ACVR2A: variants seen among roughly 807,000 people sequenced by gnomAD.
ACVR2A encodes the protein activin A receptor type 2A, also known as activin receptor type-2A.
Under a neutral mutation model 61.4 loss-of-function variants are expected in ACVR2A, and 7 were observed. The observed-to-expected ratio is 0.11, with a 90% CI of 0.06 to 0.21. ACVR2A has a LOEUF of 0.21. Ranked by LOEUF, ACVR2A falls within the 10% of genes least tolerant of loss-of-function variation. ACVR2A has a pLI of 1.00. For synonymous variants in ACVR2A, 193 were observed against 208.3 expected, an observed-to-expected ratio of 0.93 and a Z score of 0.63; for missense variants, 322 against 621.7, an observed-to-expected ratio of 0.52 and a Z score of 5.13.
intron 2 of ACVR2A, chr2:147,897,193 A>G (rs1265192526): frequency 2.0e-5 from 3 of 151,862 alleles, no homozygotes; most frequent in African/African-American, 7.3e-5. Flanking sequence ...TTTTTAGTAG[A>G]TACAGGGTTT....
intron 4 of ACVR2A, among the ~76,000 whole-genome samples, chr2:147,906,337 C>T (rs967500674): frequency 8.5e-5 from 13 of 152,086 alleles, no homozygotes; most frequent in Non-Finnish European, 1.6e-4. Context: ...AGGCACCATG[C>T]TGTGTGTATG....
rs1043905064 is a variant in ACVR2A, at chr2:147,928,840, T to A, written c.*1566T>A. 5.2e-5 allele frequency: 8 copies of A among 152,418 alleles called. No homozygotes were observed. The highest frequency in any genetic ancestry group is 1.7e-4 in the African/African-American group (7 of 41,410). 9.4% of individuals were successfully genotyped at this position (152,418 alleles called of 1,614,324 possible). On this transcript the variant is annotated 3_prime_UTR_variant, in exon 11 of 11. Transcript: ENST00000241416. ...AACATTAATTTTCTGAATTTCCAGATTACCAATCAATTAATCAACAAATAG... is the reference window on the plus strand; with the variant it reads ...AACATTAATTTTCTGAATTTCCAGAATACCAATCAATTAATCAACAAATAG...
intron 1 of ACVR2A, among the ~76,000 whole-genome samples, chr2:147,879,565 A>T (rs565836964): frequency 1.3e-5 from 2 of 152,348 alleles, no homozygotes; most frequent in East Asian, 3.9e-4. Context: ...AGAAAGTGGT[A>T]GAAAGAATGT....
chr2:147,918,097 T>C (rs1357290603), intron 6 of ACVR2A, among the ~76,000 whole-genome samples: 1 of 151,588 alleles, frequency 6.6e-6, no homozygotes, highest in Non-Finnish European at 1.5e-5. Flanking sequence ...TCCCATGATA[T>C]AACAACTCTA....
chr2:147,918,023 A>G (rs1400517797), intron 6 of ACVR2A, among the ~76,000 whole-genome samples: 1 of 151,980 alleles, frequency 6.6e-6, no homozygotes, highest in Non-Finnish European at 1.5e-5. Context: ...AAGGACAACA[A>G]TAATCTAGAG....
intron 1 of ACVR2A, among the ~76,000 whole-genome samples, chr2:147,854,353 C>A (rs964000051): frequency 5.3e-5 from 8 of 152,126 alleles, no homozygotes; most frequent in African/African-American, 1.9e-4. Context: ...TCTTGGACAA[C>A]TTCTCTTAAA....
At chr2:147,908,182 A>G (rs1173898045) in intron 4 of ACVR2A, among the ~76,000 whole-genome samples, 1 of 152,074 alleles carries the variant, frequency 6.6e-6, no homozygotes, top group Non-Finnish European at 1.5e-5. Flanking sequence ...CAATTTATTC[A>G]TGTGTAACAT....
At chr2:147,908,752 G>T (rs1687048182) in intron 4 of ACVR2A, among the ~76,000 whole-genome samples, 1 of 151,954 alleles carries the variant, frequency 6.6e-6, no homozygotes, top group Non-Finnish European at 1.5e-5. Flanking sequence ...ATATAGTTTG[G>T]ATAGGAGGAC....
intron 10 of ACVR2A, 125 bp downstream of exon 10, chr2:147,926,286 ATTCTAGAG>A (rs1357727813): frequency 6.4e-6 from 8 of 1,242,518 alleles, no homozygotes; most frequent in Admixed American, 4.7e-5. Flanking sequence ...CACACAGGAT[ATTCTAGAG>A]TTCTAGAGGC....
At chr2:147,890,208 T>C (rs1345697591) in intron 1 of ACVR2A, among the ~76,000 whole-genome samples, 2 of 152,186 alleles carry the variant, frequency 1.3e-5, no homozygotes, top group African/African-American at 4.8e-5. Flanking sequence ...TACTATATTC[T>C]GTATACATTA....
rs775110919 is a variant in ACVR2A, at chr2:147,917,294, A to C, written c.684A>C (p.Ser228=). ...VKIFPIQDKQ[S]WQNEYEVYSL... is the part of the protein sequence containing the mutation. ...CTTTTTGACTCTAGGACAAACAGTC[A>C]TGGCAAAATGAATACGAAGTCTACA... The change falls in exon 6 of 11, where the codon TCA becomes TCC. Residue 228 remains serine, a synonymous_variant. Coordinates refer to ENST00000241416, the MANE Select transcript of ACVR2A (RefSeq NM_001616.5). 6.2e-7 allele frequency: 1 copy of C among 1,611,788 alleles called. No individual in the cohort carries two copies. Among genetic ancestry groups the C allele is most frequent in the Admixed American group, 1.7e-5 (1 of 59,792 alleles).
chr2:147,850,784 A>C (rs1411402153), intron 1 of ACVR2A, among the ~76,000 whole-genome samples: 1 of 152,170 alleles, frequency 6.6e-6, no homozygotes. Context: ...TTCTCCACCT[A>C]GATTTCTTGT....
At chr2:147,874,413 A>G (rs140360295) in intron 1 of ACVR2A, among the ~76,000 whole-genome samples, 2 of 152,014 alleles carry the variant, frequency 1.3e-5, no homozygotes, top group East Asian at 1.9e-4. Context: ...AAGAGTTACC[A>G]TTGTGTTTTC....
chr2:147,889,142 A>G lies in ACVR2A; in HGVS notation c.56-7159A>G, dbSNP rs551410493. Among the ~76,000 whole-genome samples the G allele has an allele frequency of 3.3e-5, 5 of 152,178 alleles. No homozygotes were observed. The South Asian group carries it at 1.0e-3, about 32-fold the overall frequency. ...TTTTTGAATCTTGAGACAGCCATGT[A>G]TGTCTGGAGCAGATCCCACTTTGCT... is the stretch of plus-strand genomic sequence containing the variant. On this transcript the variant is annotated intron_variant, in intron 1 of 10. Transcript: ENST00000241416.
At chr2:147,870,245 T>G (rs1237352223) in intron 1 of ACVR2A, among the ~76,000 whole-genome samples, 1 of 152,182 alleles carries the variant, frequency 6.6e-6, no homozygotes, top group East Asian at 1.9e-4. Context: ...GTCATTGTGA[T>G]TAGCATAACA....
At chr2:147,900,105 G>A (rs1355498637) in intron 4 of ACVR2A, among the ~76,000 whole-genome samples, 1 of 152,188 alleles carries the variant, frequency 6.6e-6, no homozygotes, top group Admixed American at 6.5e-5. Flanking sequence ...GGTTGAGGTC[G>A]AGTAGAATGA....
chr2:147,900,026 A>T (rs1218755108), intron 4 of ACVR2A, 128 bp downstream of exon 4: 2 of 1,053,534 alleles, frequency 1.9e-6, no homozygotes, highest in African/African-American at 3.2e-5. Context: ...GTTTATTGTC[A>T]TGAGAACTCT....
chr2:147,884,013 G>A (rs1374922325), intron 1 of ACVR2A, among the ~76,000 whole-genome samples: 3 of 152,238 alleles, frequency 2.0e-5, no homozygotes, highest in Middle Eastern at 6.8e-3. Context: ...TCTTTTCAGT[G>A]TAATTGACAC....
At chr2:147,893,369 T>C (rs1686637762) in intron 1 of ACVR2A, among the ~76,000 whole-genome samples, 2 of 152,220 alleles carry the variant, frequency 1.3e-5, no homozygotes, top group South Asian at 2.1e-4. Flanking sequence ...CATGGACTTA[T>C]GTTTTTATCT....
Sources: allele counts gnomAD v4.1 joint callset (sites outside exome capture counted in the v4.1 genomes callset), GRCh38; gene constraint gnomAD v4.1.1; transcripts MANE v1.5; gene names NCBI Gene and HGNC (gene_info 2026-07-23, HGNC 2026-07-21).